Variants in RAN observed in about 807,000 individuals in gnomAD.
The protein encoded by RAN is GTP-binding nuclear protein Ran.
In RAN, 2 loss-of-function variants were observed where a neutral mutation model predicts 26.8. The ratio of observed to expected loss-of-function variants is 0.07; its 90% confidence interval spans 0.03 to 0.23. The LOEUF is 0.23. RAN is among the 10% of genes least tolerant of loss of function. RAN has a pLI of 1.00. For missense variants in RAN, 56 were observed against 264.8 expected, an observed-to-expected ratio of 0.21 and a Z score of 5.47; for synonymous variants, 132 against 95.9, an observed-to-expected ratio of 1.38 and a Z score of -2.20.
chr12:130,873,639 T>C (rs919497183), intron 4 of RAN: 10 of 161,714 alleles, frequency 6.2e-5, no homozygotes, highest in Admixed American at 4.1e-4. Flanking sequence ...AAAATGTTCA[T>C]TGTACCAAAA....
At position 130,872,905 on chromosome 12, in the gene RAN, G is replaced by T; in HGVS notation, c.106G>T (p.Glu36Ter). ...GAAACGTCATTTGACTGGTGAATTT[G>T]AGAAGAAGTATGTAGGTATGTGCTG... ...FVKRHLTGEF[E>*]KKYVATLGVE... The change falls in exon 3 of 7, where the codon GAG becomes TAG. Residue 36 changes from glutamate to a stop codon, truncating the protein, a stop_gained. Transcript: ENST00000543796. LOFTEE classifies it high-confidence loss of function. 1 of 1,614,208 alleles carries T rather than the reference G, an allele frequency of 6.2e-7. No homozygotes were observed. Among genetic ancestry groups the T allele is most frequent in the South Asian group, 1.1e-5 (1 of 91,050 alleles).
intron 4 of RAN, 61 bp from the exon 5 acceptor site, chr12:130,874,485 C>T (rs911242425): frequency 1.5e-6 from 2 of 1,345,874 alleles, no homozygotes; most frequent in African/African-American, 1.5e-5. Context: ...GTCTCTGGTT[C>T]TTAGCATTCT....
Position 130,877,459 on chromosome 12 carries a change from G to C in RAN, c.*1533G>C, listed in dbSNP as rs1953269361. 6.6e-6 allele frequency: 1 copy of C among 152,124 alleles called. No homozygotes were observed. The highest frequency in any genetic ancestry group is 1.5e-5 in the Non-Finnish European group (1 of 68,036). The allele number at this position is 152,124 out of a possible 1,614,324, so 9.4% of individuals were successfully genotyped here. A position where few individuals can be genotyped will look rare whatever the true frequency, so the allele number is the denominator to read the frequency against. On this transcript the variant is annotated 3_prime_UTR_variant, in exon 7 of 7. Coordinates refer to ENST00000543796, the MANE Select transcript of RAN (RefSeq NM_006325.5). ...ATGGGAAGTTTTTTCCCCATAATTG[G>C]GATGAAACCTTTCATTCAGGTATTT...
At position 130,877,501 on chromosome 12, in the gene RAN, GTGT is replaced by G. The variant is rs1555227651; in HGVS notation, c.*1580_*1582del. On this transcript the variant is annotated 3_prime_UTR_variant, in exon 7 of 7. Coordinates refer to ENST00000543796, the MANE Select transcript of RAN (RefSeq NM_006325.5). ...CAGGTATTTTGAATTGAAGGTGTATGTGTTGTTTGTAACCTTGTGGAGATTGCA... is the reference window on the plus strand; with the variant it reads ...CAGGTATTTTGAATTGAAGGTGTATGTGTTTGTAACCTTGTGGAGATTGCA... The G allele has an allele frequency of 6.6e-6, 1 of 152,222 alleles. No homozygotes were observed. Among genetic ancestry groups the G allele is most frequent in the Non-Finnish European group, 1.5e-5 (1 of 68,046 alleles). The allele number at this position is 152,222 out of a possible 1,614,324, so 9.4% of individuals were successfully genotyped here.
Position 130,876,097 on chromosome 12 carries a change from A to T in RAN, c.*171A>T, listed in dbSNP as rs113688889. 3 of 683,066 alleles carry T rather than the reference A, an allele frequency of 4.4e-6. No individual in the cohort carries two copies. The highest frequency in any genetic ancestry group is 7.3e-6 in the Non-Finnish European group (3 of 410,108). 42.3% of individuals were successfully genotyped at this position (683,066 alleles called of 1,614,324 possible). On this transcript the variant is annotated 3_prime_UTR_variant, in exon 7 of 7. Coordinates refer to ENST00000543796, the MANE Select transcript of RAN (RefSeq NM_006325.5). ...GGCTTCGGAGTGAATGTGGCAGTTT[A>T]AAAAATAACTTCATTGTTTGGACCT... is the stretch of plus-strand genomic sequence containing the variant.
At chr12:130,872,393 C>T (rs940676299) in intron 1 of RAN, 191 bp from the exon 2 acceptor site, 3 of 167,158 alleles carry the variant, frequency 1.8e-5, no homozygotes, top group Non-Finnish European at 2.5e-5. Context: ...CTCCGGCCGC[C>T]GTTCCCCGGG....
chr12:130,875,905 G>A lies in RAN; in HGVS notation c.630G>A (p.Pro210=), dbSNP rs771898086. The change falls in exon 7 of 7, where the codon CCG becomes CCA. Residue 210 remains proline, a synonymous_variant. Transcript: ENST00000543796. ...DLEVAQTTAL[P]DEDDDL ...AGGTTGCTCAGACAACTGCTCTCCC[G>A]GATGAGGATGATGACCTGTGAGAAT... 49 of 1,613,998 alleles carry A rather than the reference G, an allele frequency of 3.0e-5. No homozygotes were observed. Among genetic ancestry groups the A allele is most frequent in the East Asian group, 6.7e-5 (3 of 44,890 alleles).
At chr12:130,874,143 T>G (rs964188486) in intron 4 of RAN, 1 of 203,748 alleles carries the variant, frequency 4.9e-6, no homozygotes, top group Admixed American at 5.7e-5. Flanking sequence ...GCCACATTGC[T>G]TGGCCTATCT....
chr12:130,877,608 G>A lies in RAN; in HGVS notation c.*1682G>A, dbSNP rs576445988. The A allele has an allele frequency of 6.6e-6, 1 of 152,184 alleles. No individual in the cohort carries two copies. Among genetic ancestry groups the A allele is most frequent in the African/African-American group, 2.4e-5 (1 of 41,434 alleles). The allele number at this position is 152,184 out of a possible 1,614,324, so 9.4% of individuals were successfully genotyped here. A position where few individuals can be genotyped will look rare whatever the true frequency, so the allele number is the denominator to read the frequency against. The stretch of plus-strand genomic sequence containing the variant: ...GTCACTTACCTGTCTAACGTGGTGT[G>A]GGAGAGAATTTACAAGTCCTTTATT... On this transcript the variant is annotated 3_prime_UTR_variant, in exon 7 of 7. Coordinates refer to ENST00000543796, the MANE Select transcript of RAN (RefSeq NM_006325.5).
chr12:130,873,165 G>A lies in RAN; in HGVS notation c.247+37G>A, dbSNP rs780103647. On this transcript the variant is annotated intron_variant, in intron 4 of 6. Coordinates refer to ENST00000543796, the MANE Select transcript of RAN (RefSeq NM_006325.5). ...TAACTTGCTGAACGGTTTTTGAGAG[G>A]TTTTGTGTACTTCAGTCTTCAAGGT... 1.9e-6 allele frequency: 3 copies of A among 1,613,330 alleles called. No homozygotes were observed. The South Asian group carries it at 3.3e-5, about 18-fold the overall frequency.
In RAN at chr12:130,872,614, C is replaced by T. The variant is rs565658715; in HGVS notation, c.21C>T (p.Pro7=). 4 of 1,529,356 alleles carry T rather than the reference C, an allele frequency of 2.6e-6. No homozygotes were observed. The highest frequency in any genetic ancestry group is 2.4e-5 in the East Asian group (1 of 41,956). The allele number at this position is 1,529,356 out of a possible 1,614,324, so 94.7% of individuals were successfully genotyped here. MAAQGE[P]QVQFKLVLVG... is the part of the protein sequence containing the mutation. ...CCGCGATGGCTGCGCAGGGAGAGCCCCAGGTCCAGTTCAAAGTAGGTAACC... is the reference window on the plus strand; with the variant it reads ...CCGCGATGGCTGCGCAGGGAGAGCCTCAGGTCCAGTTCAAAGTAGGTAACC... Residue 7 remains proline, a synonymous_variant, in exon 2 of 7, where the codon CCC becomes CCT. Coordinates refer to ENST00000543796, the MANE Select transcript of RAN (RefSeq NM_006325.5).
intron 1 of RAN, 126 bp from the exon 2 acceptor site, chr12:130,872,458 C>T (rs993367533): frequency 1.9e-6 from 1 of 514,360 alleles, no homozygotes; most frequent in African/African-American, 2.1e-5. Context: ...CCAGGCCTGG[C>T]CGCCATGGCG....
In RAN at chr12:130,877,393, G is replaced by A. The variant is rs987885960; in HGVS notation, c.*1467G>A. 6.6e-6 allele frequency: 1 copy of A among 152,222 alleles called. No individual in the cohort carries two copies. Among genetic ancestry groups the A allele is most frequent in the Non-Finnish European group, 1.5e-5 (1 of 68,032 alleles). The allele number at this position is 152,222 out of a possible 1,614,324, so 9.4% of individuals were successfully genotyped here. On this transcript the variant is annotated 3_prime_UTR_variant, in exon 7 of 7. Transcript: ENST00000543796. Reference sequence around the variant, plus strand: ...TCTTAAGATCTGAATTGCTGTGTATGTTACGCTGTATTCAGAACCAGTTTC... The same window carrying A: ...TCTTAAGATCTGAATTGCTGTGTATATTACGCTGTATTCAGAACCAGTTTC...
chr12:130,877,547 G>A lies in RAN; in HGVS notation c.*1621G>A, dbSNP rs1021895457. The A allele has an allele frequency of 6.6e-6, 1 of 152,242 alleles. No individual in the cohort carries two copies. Among genetic ancestry groups the A allele is most frequent in the African/African-American group, 2.4e-5 (1 of 41,536 alleles). 9.4% of individuals were successfully genotyped at this position (152,242 alleles called of 1,614,324 possible). On this transcript the variant is annotated 3_prime_UTR_variant, in exon 7 of 7. Coordinates refer to ENST00000543796, the MANE Select transcript of RAN (RefSeq NM_006325.5). ...AGATTGCAAGTGGTGTTGACATTCT[G>A]GATCTTCTATGTAACAGTTGAAATT...
Position 130,874,649 on chromosome 12 carries a change from T to C in RAN, c.351T>C (p.Ile117=). The C allele has an allele frequency of 6.2e-7, 1 of 1,613,290 alleles. No individual in the cohort carries two copies. The highest frequency in any genetic ancestry group is 8.5e-7 in the Non-Finnish European group (1 of 1,179,324). ...DLVRVCENIP[I]VLCGNKVDIK... ...TACGAGTGTGTGAAAACATCCCCATTGTGTTGTGTGGCAACAAAGTGGATA... is the reference window on the plus strand; with the variant it reads ...TACGAGTGTGTGAAAACATCCCCATCGTGTTGTGTGGCAACAAAGTGGATA... Residue 117 remains isoleucine (I), a synonymous_variant, in exon 5 of 7, where the codon ATT becomes ATC. Coordinates refer to ENST00000543796, the MANE Select transcript of RAN (RefSeq NM_006325.5).
chr12:130,876,152 ATTCCTTGAGT>A lies in RAN; in HGVS notation c.*230_*239del, dbSNP rs2136404249. The A allele has an allele frequency of 1.7e-6, 1 of 571,598 alleles. No homozygotes were observed. Among genetic ancestry groups the A allele is most frequent in the African/African-American group, 1.9e-5 (1 of 53,366 alleles). The allele number at this position is 571,598 out of a possible 1,614,324, so 35.4% of individuals were successfully genotyped here. ...ATTTAGCTGTTTTGGAACGCAGTTG[ATTCCTTGAGT>A]TTCATATATAAGACTGCTGCAGTCA... On this transcript the variant is annotated 3_prime_UTR_variant, in exon 7 of 7. Transcript: ENST00000543796.
chr12:130,874,187 A>G (rs1953195331), intron 4 of RAN: 1 of 220,958 alleles, frequency 4.5e-6, no homozygotes, highest in Non-Finnish European at 9.3e-6. Flanking sequence ...GTTTTCCAGT[A>G]TAGCCAGCCA....
chr12:130,877,007 G>A lies in RAN; in HGVS notation c.*1081G>A, dbSNP rs1007365212. 6.6e-6 allele frequency: 1 copy of A among 152,086 alleles called. No homozygotes were observed. The highest frequency in any genetic ancestry group is 1.5e-5 in the Non-Finnish European group (1 of 68,026). The allele number at this position is 152,086 out of a possible 1,614,324, so 9.4% of individuals were successfully genotyped here. On this transcript the variant is annotated 3_prime_UTR_variant, in exon 7 of 7. Coordinates refer to ENST00000543796, the MANE Select transcript of RAN (RefSeq NM_006325.5). ...GAAATACTAGGAATATGCACAGTGGGGCAGTGTGGGGGCTTCTCAGTAATG... is the reference window on the plus strand; with the variant it reads ...GAAATACTAGGAATATGCACAGTGGAGCAGTGTGGGGGCTTCTCAGTAATG...
rs879001022 is a variant in RAN at position 130,877,063 on chromosome 12, TTAAC to T, written c.*1141_*1144del. On this transcript the variant is annotated 3_prime_UTR_variant, in exon 7 of 7. Transcript: ENST00000543796. Reference sequence around the variant, plus strand: ...CAGTTGGTGAAACTTTTTTTTTTTTTTAACTAAGCATTTAATTTATCTTGCATAT... The same window carrying T: ...CAGTTGGTGAAACTTTTTTTTTTTTTTAAGCATTTAATTTATCTTGCATAT... 7.2e-5 allele frequency: 11 copies of T among 152,116 alleles called. No homozygotes were observed. Among genetic ancestry groups the T allele is most frequent in the African/African-American group, 2.7e-4 (11 of 41,424 alleles). 9.4% of individuals were successfully genotyped at this position (152,116 alleles called of 1,614,324 possible).
Sources: gnomAD v4.1 joint callset for allele counts on GRCh38, gnomAD v4.1.1 for gene constraint, MANE v1.5 for transcripts, NCBI Gene and HGNC (gene_info 2026-07-23, HGNC 2026-07-21) for gene names.